The following CCDC178 variants were observed in gnomAD, a reference collection of about 807,000 sequenced individuals.
CCDC178 encodes coiled-coil domain-containing protein 178.
CCDC178 carries 126 observed loss-of-function variants against 117.4 expected under a neutral mutation model. That is an observed-to-expected ratio of 1.07 (90% CI 0.93 to 1.24). The LOEUF is 1.24. CCDC178 is among the 50% of genes most tolerant of loss of function. CCDC178 has a pLI of 0.00. For synonymous variants in CCDC178, 283 were observed against 313.4 expected (o/e 0.90, Z 1.02); for missense variants, 1,030 against 986.9 (o/e 1.04, Z -0.59).
chr18:33,279,857 T>G (rs1331057605), intron 12 of CCDC178, among the ~76,000 whole-genome samples: 1 of 152,150 alleles, frequency 6.6e-6, no homozygotes, highest in Non-Finnish European at 1.5e-5. Flanking sequence ...GGGGAAAGGA[T>G]TCCCTATTTA....
intron 21 of CCDC178, among the ~76,000 whole-genome samples, chr18:33,053,746 G>C (rs2056783316): frequency 6.6e-6 from 1 of 152,062 alleles, no homozygotes; most frequent in Admixed American, 6.6e-5. Flanking sequence ...TTAGTAAAAT[G>C]ATGCTCAATG....
intron 21 of CCDC178, among the ~76,000 whole-genome samples, chr18:33,041,656 A>G (rs1215812135): frequency 6.6e-6 from 1 of 151,562 alleles, no homozygotes; most frequent in Non-Finnish European, 1.5e-5. Context: ...TAAAATAATA[A>G]TTATTTCTTA....
At chr18:33,393,153 G>C (rs767770837) in intron 4 of CCDC178, among the ~76,000 whole-genome samples, 4 of 152,084 alleles carry the variant, frequency 2.6e-5, no homozygotes, top group African/African-American at 4.8e-5. Flanking sequence ...CAATTTTCTT[G>C]TGTGTACTTC....
intron 2 of CCDC178, among the ~76,000 whole-genome samples, chr18:33,426,716 TAC>T (rs1235561242): frequency 6.6e-6 from 1 of 152,220 alleles, no homozygotes. Flanking sequence ...ATATTGCACT[TAC>T]AGTCTCTTGA....
intron 15 of CCDC178, among the ~76,000 whole-genome samples, chr18:33,238,657 A>G (rs917868087): frequency 6.6e-6 from 1 of 152,130 alleles, no homozygotes; most frequent in African/African-American, 2.4e-5. Flanking sequence ...ATGAACATAC[A>G]TTTGTATTAT....
chr18:33,241,590 A>G (rs1319180621), intron 15 of CCDC178, among the ~76,000 whole-genome samples: 10 of 151,676 alleles, frequency 6.6e-5, no homozygotes, highest in Non-Finnish European at 1.5e-5. Flanking sequence ...GCTGAAAAAA[A>G]TAAGATGGCC....
At chr18:33,385,430 C>T (rs1007335278) in intron 5 of CCDC178, among the ~76,000 whole-genome samples, 25 of 152,134 alleles carry the variant, frequency 1.6e-4, no homozygotes, top group Admixed American at 1.2e-3. Context: ...GGTCACATGG[C>T]ACTTACTCTA....
intron 12 of CCDC178, among the ~76,000 whole-genome samples, 195 bp from the exon 13 acceptor site, chr18:33,267,492 AAC>A (rs1196291255): frequency 6.6e-6 from 1 of 151,878 alleles, no homozygotes; most frequent in African/African-American, 2.4e-5. Context: ...CACTTTGCAA[AAC>A]AGTCATTTAA....
chr18:33,390,947 G>T (rs1334897167), intron 4 of CCDC178, among the ~76,000 whole-genome samples: 2 of 151,340 alleles, frequency 1.3e-5, no homozygotes, highest in African/African-American at 4.8e-5. Context: ...GTTAAAGATA[G>T]AATATTTATA....
intron 2 of CCDC178, among the ~76,000 whole-genome samples, chr18:33,418,908 T>C (rs1008176592): frequency 1.3e-5 from 2 of 152,088 alleles, no homozygotes; most frequent in African/African-American, 4.8e-5. Flanking sequence ...TGGCCACATT[T>C]CCCAAAGCAA....
At position 33,057,049 on chromosome 18, in the gene CCDC178, ATAAC is replaced by A. The variant is rs563107437; in HGVS notation, c.2388+35708_2388+35711del. 3.9e-3 allele frequency among the ~76,000 whole-genome samples: 587 copies of A among 152,130 alleles called. 3 individuals are homozygous for A. Among genetic ancestry groups the A allele is most frequent in the Middle Eastern group, 6.8e-3 (2 of 294 alleles). The stretch of plus-strand genomic sequence containing the variant: ...AAAGGAAAAAAGTCAAAACTTTACA[ATAAC>A]TAACTAACTAAATAAGCAAGCAAGC... On this transcript the variant is annotated intron_variant, in intron 21 of 22. Coordinates refer to ENST00000383096, the MANE Select transcript of CCDC178 (RefSeq NM_001105528.4).
intron 20 of CCDC178, among the ~76,000 whole-genome samples, chr18:33,104,830 C>T (rs2057683250): frequency 6.6e-6 from 1 of 151,578 alleles, no homozygotes; most frequent in Non-Finnish European, 1.5e-5. Flanking sequence ...TTTGGTTTAC[C>T]TGGAAAAGTT....
Position 33,215,582 on chromosome 18 carries a change from C to A in CCDC178, c.2046G>T (p.Lys682Asn). 6 of 1,475,324 alleles carry A rather than the reference C, an allele frequency of 4.1e-6. No individual in the cohort carries two copies. The highest frequency in any genetic ancestry group is 5.4e-6 in the Non-Finnish European group (6 of 1,104,702). 91.4% of individuals were successfully genotyped at this position (1,475,324 alleles called of 1,614,324 possible). A position where few individuals can be genotyped will look rare whatever the true frequency, so the allele number is the denominator to read the frequency against. ...TTTCAAGTGTCTGATCAAAACTTTT[C>A]TTTTCTTCTTCTTTTGCTTTTAATT... Reference protein sequence around the residue: ...NEELKAKEEEKKSFDQTLEIL... With the variant: ...NEELKAKEEENKSFDQTLEIL... The change falls in exon 19 of 23, where the codon AAG (lysine) becomes AAT (asparagine). Residue 682 changes from lysine to asparagine, a missense_variant. Lys to Asn is a moderately conservative substitution (Grantham distance 94, BLOSUM62 0). Transcript: ENST00000383096.
intron 21 of CCDC178, among the ~76,000 whole-genome samples, chr18:32,982,472 T>C (rs2055173349): frequency 6.6e-6 from 1 of 152,186 alleles, no homozygotes; most frequent in Admixed American, 6.5e-5. Flanking sequence ...TGAACAGCAC[T>C]CACAGTTCTT....
At chr18:33,326,118 G>C (rs552335677) in intron 10 of CCDC178, among the ~76,000 whole-genome samples, 2 of 152,328 alleles carry the variant, frequency 1.3e-5, no homozygotes, top group African/African-American at 4.8e-5. Flanking sequence ...AGGTAGGGCT[G>C]TGTTAGGGGT....
At chr18:33,185,891 A>C (rs2058787259) in intron 20 of CCDC178, among the ~76,000 whole-genome samples, 1 of 151,686 alleles carries the variant, frequency 6.6e-6, no homozygotes. Context: ...ATATCTCTAG[A>C]GTGAGAAAAT....
chr18:33,425,076 G>A (rs544560691), intron 2 of CCDC178, among the ~76,000 whole-genome samples: 1 of 152,298 alleles, frequency 6.6e-6, no homozygotes, highest in South Asian at 2.1e-4. Flanking sequence ...AAACCTGTAA[G>A]TTCTGTACAT....
chr18:33,125,482 G>C (rs1598908701), intron 20 of CCDC178, among the ~76,000 whole-genome samples: 1 of 152,078 alleles, frequency 6.6e-6, no homozygotes, highest in East Asian at 1.9e-4. Flanking sequence ...ACATATGCTT[G>C]ATCATTTATC....
chr18:33,360,963 G>T (rs1262564113), intron 6 of CCDC178, among the ~76,000 whole-genome samples: 1 of 151,358 alleles, frequency 6.6e-6, no homozygotes, highest in Non-Finnish European at 1.5e-5. Context: ...AAATTCCAAT[G>T]ACTATTTTCA....
Sources: gnomAD v4.1 joint callset for allele counts (sites outside exome capture counted in the v4.1 genomes callset) on GRCh38, gnomAD v4.1.1 for gene constraint, MANE v1.5 for transcripts, NCBI Gene and HGNC (gene_info 2026-07-23, HGNC 2026-07-21) for gene names.